Variants in DNAH5 observed in about 807,000 individuals in gnomAD.
DNAH5 encodes the protein dynein axonemal heavy chain 5.
DNAH5 carries 372 observed loss-of-function variants against 518.2 expected under a neutral mutation model. The ratio of observed to expected loss-of-function variants is 0.72; its 90% CI spans 0.66 to 0.78. The LOEUF is 0.78. DNAH5 is among the 30% of genes least tolerant of loss of function. The pLI is 0.00. For synonymous variants in DNAH5, 2,039 were observed against 2,025.9 expected (o/e 1.01, Z -0.17); for missense variants, 5,523 against 5,687.0 (o/e 0.97, Z 0.93).
chr5:13,959,736 G>C (rs1781026167), intron 1 of DNAH5, among the ~76,000 whole-genome samples: 1 of 152,218 alleles, frequency 6.6e-6, no homozygotes, highest in African/African-American at 2.4e-5. Flanking sequence ...GGAAGGCTGA[G>C]GCAGGCAGAT....
intron 1 of DNAH5, among the ~76,000 whole-genome samples, chr5:13,958,899 C>T (rs530528020): frequency 1.3e-5 from 2 of 152,328 alleles, no homozygotes; most frequent in East Asian, 3.9e-4. Context: ...TCACAAGCTC[C>T]TACAATGTTA....
chr5:13,772,617 C>T (rs1306848573), intron 55 of DNAH5, among the ~76,000 whole-genome samples: 1 of 152,194 alleles, frequency 6.6e-6, no homozygotes, highest in Admixed American at 6.5e-5. Flanking sequence ...GCATATTTTT[C>T]TTTAAATGAT....
At position 13,698,858 on chromosome 5, in the gene DNAH5, A is replaced by G. The variant is rs578108392; in HGVS notation, c.13723+1782T>C. ...ACTCCAATTGTTTGCTGCTTTGCAC[A>G]TATTTGTGAATGACCATAAAAGTGG... On this transcript the variant is annotated intron_variant, in intron 78 of 78. Coordinates refer to ENST00000265104, the MANE Select transcript of DNAH5 (RefSeq NM_001369.3). Among the ~76,000 whole-genome samples, 14 of 152,356 alleles carry G rather than the reference A, an allele frequency of 9.2e-5. No individual in the cohort carries two copies. The East Asian group carries it at 2.7e-3, about 29-fold the overall frequency.
chr5:13,720,523 C>G (rs1744905009), intron 71 of DNAH5, among the ~76,000 whole-genome samples: 1 of 152,164 alleles, frequency 6.6e-6, no homozygotes, highest in African/African-American at 2.4e-5. Flanking sequence ...GATGGGCCCA[C>G]AGGCACAGGC....
intron 35 of DNAH5, among the ~76,000 whole-genome samples, chr5:13,832,128 C>T (rs1471922163): frequency 6.6e-6 from 1 of 151,902 alleles, no homozygotes; most frequent in Non-Finnish European, 1.5e-5. Context: ...CGCACATGTA[C>T]CCCTGAACTT....
At chr5:13,898,875 T>C (rs1774231869) in intron 15 of DNAH5, 1 of 360,940 alleles carries the variant, frequency 2.8e-6, no homozygotes, top group Non-Finnish European at 4.9e-6. Flanking sequence ...TTGCCACTGG[T>C]GACCAGTCCC....
rs201939338 is a variant in DNAH5, at chr5:13,794,003, G to T, written c.7943C>A (p.Ala2648Glu). The change falls in exon 48 of 79, where the codon GCG becomes GAG. Residue 2648 changes from alanine to glutamate, a missense_variant. Around this residue, in one of 3 missense-constraint regions of DNAH5, gnomAD observed 5,121 missense variants for 5,223.3 expected, o/e 0.98. Transcript: ENST00000265104. ...AATAAAAACAGTCATCTTCTTTCCC[G>T]CAGGAGGGCCATATGTTGTACCCAT... ...KRMGTTYGPPAGKKMTVFIDD... is the reference protein window; with the variant it reads ...KRMGTTYGPPEGKKMTVFIDD... 6.2e-7 allele frequency: 1 copy of T among 1,613,868 alleles called. No individual in the cohort carries two copies. Among genetic ancestry groups the T allele is most frequent in the East Asian group, 2.2e-5 (1 of 44,856 alleles).
At chr5:13,789,537 C>A (rs1476487842) in intron 50 of DNAH5, among the ~76,000 whole-genome samples, 1 of 152,124 alleles carries the variant, frequency 6.6e-6, no homozygotes, top group Non-Finnish European at 1.5e-5. Context: ...ATATGAAAGA[C>A]TGGTGGAAAT....
At chr5:13,834,791 G>C (rs1274255077) in intron 35 of DNAH5, among the ~76,000 whole-genome samples, 2 of 152,230 alleles carry the variant, frequency 1.3e-5, no homozygotes, top group Non-Finnish European at 2.9e-5. Flanking sequence ...TGAGGATAGA[G>C]AAACAGAGAA....
intron 18 of DNAH5, 126 bp from the exon 19 acceptor site, chr5:13,885,354 A>C (rs568676623): frequency 8.3e-7 from 1 of 1,203,782 alleles, no homozygotes; most frequent in Non-Finnish European, 1.2e-6. Flanking sequence ...ATGCAAGTTT[A>C]GTATCACTTA....
At chr5:13,716,984 C>T (rs1744374565) in intron 73 of DNAH5, among the ~76,000 whole-genome samples, 1 of 152,140 alleles carries the variant, frequency 6.6e-6, no homozygotes, top group South Asian at 2.1e-4. Flanking sequence ...CTTTAGAAAG[C>T]ACACACTTCC....
chr5:14,001,361 T>TTTG (rs1344010540), intron 1 of DNAH5, among the ~76,000 whole-genome samples: 1 of 152,088 alleles, frequency 6.6e-6, no homozygotes, highest in Admixed American at 6.5e-5. Context: ...TTTTGTTTTT[T>TTTG]TTGTTGTTGT....
chr5:13,824,697 C>G (rs1762668958), intron 38 of DNAH5, among the ~76,000 whole-genome samples: 2 of 152,122 alleles, frequency 1.3e-5, no homozygotes, highest in African/African-American at 4.8e-5. Context: ...AAATTCAGAA[C>G]CAGAATTAAA....
At chr5:13,713,268 T>TAC (rs1449572069) in intron 75 of DNAH5, among the ~76,000 whole-genome samples, 11 of 146,778 alleles carry the variant, frequency 7.5e-5, no homozygotes, top group Non-Finnish European at 1.3e-4. Context: ...GACATATATA[T>TAC]ACCGACATAT....
At chr5:13,855,609 T>C (rs1045843407) in intron 30 of DNAH5, among the ~76,000 whole-genome samples, 4 of 152,188 alleles carry the variant, frequency 2.6e-5, no homozygotes, top group Non-Finnish European at 5.9e-5. Context: ...TTAACAAGGA[T>C]ATTCAGGACT....
chr5:13,927,353 G>A (rs941024420), intron 3 of DNAH5, among the ~76,000 whole-genome samples: 20 of 151,962 alleles, frequency 1.3e-4, no homozygotes, highest in South Asian at 2.1e-4. Flanking sequence ...TTAGTTGGGC[G>A]TGGTGGCGCG....
At position 13,793,679 on chromosome 5, in the gene DNAH5, T is replaced by C. The variant is rs1561275583; in HGVS notation, c.8060A>G (p.Asn2687Ser). 1 of 1,614,178 alleles carries C rather than the reference T, an allele frequency of 6.2e-7. No homozygotes were observed. The highest frequency in any genetic ancestry group is 1.7e-5 in the Admixed American group (1 of 60,018). ...RQLMEQNGFY[N>S]LEKPGEFTSI... ...GGTGAACTCCCCAGGCTTCTCTAGA[T>C]TATAGAATCCATTTTGTTCCATCAG... The change falls in exon 49 of 79, where the codon AAT becomes AGT. Residue 2687 changes from asparagine (N) to serine (S), a missense_variant. By Grantham distance (46) the Asn-to-Ser change is conservative (BLOSUM62 1). Transcript: ENST00000265104.
At chr5:13,751,372 G>A (rs147617892) in intron 64 of DNAH5, 112 bp from the exon 65 acceptor site, 11,546 of 1,083,882 alleles carry the variant, frequency 0.011, 111 homozygotes, top group Non-Finnish European at 0.012. Flanking sequence ...GAGATCATTT[G>A]TATACTAAAA....
intron 15 of DNAH5, chr5:13,898,360 T>C (rs1346753354): frequency 2.3e-5 from 9 of 391,070 alleles, no homozygotes. Context: ...AGTTTCTTAG[T>C]AAAAATATTA....
Sources: gnomAD v4.1 joint callset for allele counts (sites outside exome capture counted in the v4.1 genomes callset) on GRCh38, gnomAD v4.1.1 for gene constraint, gnomAD v4.1.1 regional missense constraint, MANE v1.5 for transcripts, NCBI Gene and HGNC (gene_info 2026-07-23, HGNC 2026-07-21) for gene names.